OSBPL6: variants seen among roughly 807,000 people sequenced by gnomAD.
OSBPL6 encodes oxysterol-binding protein-related protein 6.
A neutral mutation model predicts 125.8 loss-of-function variants in OSBPL6; 49 were observed. The observed-to-expected ratio is 0.39, with a 90% CI of 0.31 to 0.49. The LOEUF (loss-of-function observed/expected upper bound fraction) is 0.49, where lower values mean the gene tolerates loss of function less well. OSBPL6 is among the 20% of genes least tolerant of loss of function. OSBPL6 has a pLI of 0.88. For synonymous variants in OSBPL6, 394 were observed against 391.8 expected, an observed-to-expected ratio of 1.01 and a Z score of -0.07; for missense variants, 986 against 1,135.4, an observed-to-expected ratio of 0.87 and a Z score of 1.89.
chr2:178,195,033 A>G (rs1029993769), intron 1 of OSBPL6, among the ~76,000 whole-genome samples: 2 of 151,506 alleles, frequency 1.3e-5, no homozygotes, highest in Non-Finnish European at 2.9e-5. Context: ...TGCTCCCCGC[A>G]GGCTGCCTGG....
Position 178,333,015 on chromosome 2 carries a change from G to A in OSBPL6, c.631G>A (p.Ala211Thr), listed in dbSNP as rs1220998040. The stretch of plus-strand genomic sequence containing the variant: ...GTCCACAGCTGAATCCTCACCAGCT[G>A]CTAATGTTTCTGTAATGGATGGAAA... ...STSTAESSPA[A>T]NVSVMDGKMQ... The change falls in exon 8 of 25, where the codon GCT becomes ACT. Residue 211 changes from alanine (A) to threonine (T), a missense_variant. Transcript: ENST00000190611. 6.2e-7 allele frequency: 1 copy of A among 1,614,036 alleles called. No individual in the cohort carries two copies. Among genetic ancestry groups the A allele is most frequent in the East Asian group, 2.2e-5 (1 of 44,886 alleles).
chr2:178,274,610 T>C lies in OSBPL6; in HGVS notation c.-350-10317T>C, dbSNP rs563040425. Among the ~76,000 whole-genome samples the C allele has an allele frequency of 1.1e-3, 175 of 152,248 alleles. 3 individuals carry two copies. In the South Asian group the frequency reaches 0.035, roughly 30 times the overall value. The stretch of plus-strand genomic sequence containing the variant: ...GCTGTTAGGCCTCCGGTCTTTACCA[T>C]TGATCTCATTCAAATCCAGGGACAC... On this transcript the variant is annotated intron_variant, in intron 1 of 24. Coordinates refer to ENST00000190611, the MANE Select transcript of OSBPL6 (RefSeq NM_032523.4).
chr2:178,303,829 G>C (rs1686507828), intron 2 of OSBPL6, among the ~76,000 whole-genome samples: 1 of 152,078 alleles, frequency 6.6e-6, no homozygotes, highest in Admixed American at 6.6e-5. Flanking sequence ...ATTTCTGCCA[G>C]CACTCTCCCA....
Position 178,383,161 on chromosome 2 carries a change from T to C in OSBPL6, c.1759T>C (p.Ser587Pro). Residue 587 changes from serine (S) to proline (P), a missense_variant, in exon 17 of 25, where the codon TCT becomes CCT. This residue lies in a region of OSBPL6 where 843 missense variants were observed against 997.3 expected (regional missense o/e 0.85). Coordinates refer to ENST00000190611, the MANE Select transcript of OSBPL6 (RefSeq NM_032523.4). Reference protein sequence around the residue: ...NNIGKDLSKVSMPVELNEPLN... With the variant: ...NNIGKDLSKVPMPVELNEPLN... Reference sequence around the variant, plus strand: ...CATTGGTAAAGACCTGTCTAAAGTCTCTATGCCTGTGGAGCTAAACGAGCC... The same window carrying C: ...CATTGGTAAAGACCTGTCTAAAGTCCCTATGCCTGTGGAGCTAAACGAGCC... The C allele has an allele frequency of 1.9e-6, 3 of 1,614,136 alleles. No homozygotes were observed. Among genetic ancestry groups the C allele is most frequent in the African/African-American group, 1.3e-5 (1 of 75,018 alleles).
intron 1 of OSBPL6, among the ~76,000 whole-genome samples, chr2:178,256,328 C>T (rs2091887085): frequency 6.6e-6 from 1 of 152,156 alleles, no homozygotes; most frequent in Admixed American, 6.5e-5. Context: ...GGTGATATAA[C>T]TGGAGTGGGA....
intron 13 of OSBPL6, among the ~76,000 whole-genome samples, chr2:178,367,592 T>G (rs984921941): frequency 4.6e-5 from 7 of 152,190 alleles, no homozygotes; most frequent in Non-Finnish European, 8.8e-5. Context: ...CTGCCAGGGT[T>G]GATGAATGGT....
intron 14 of OSBPL6, among the ~76,000 whole-genome samples, chr2:178,373,623 T>A (rs2154106636): frequency 6.6e-6 from 1 of 152,348 alleles, no homozygotes; most frequent in Admixed American, 6.5e-5. Context: ...AGGGTATTCA[T>A]AGCGGCTTAA....
chr2:178,275,341 G>A (rs1332610573), intron 1 of OSBPL6, among the ~76,000 whole-genome samples: 19 of 152,044 alleles, frequency 1.2e-4, no homozygotes, highest in Non-Finnish European at 7.4e-5. Flanking sequence ...GTGAAACCCC[G>A]TCTCTACTAA....
At chr2:178,257,149 A>G (rs2091912836) in intron 1 of OSBPL6, among the ~76,000 whole-genome samples, 1 of 152,240 alleles carries the variant, frequency 6.6e-6, no homozygotes. Context: ...GTAATTCTGT[A>G]TAAACTCATG....
At chr2:178,334,013 G>A (rs527385669) in intron 8 of OSBPL6, among the ~76,000 whole-genome samples, 70 of 152,218 alleles carry the variant, frequency 4.6e-4, no homozygotes, top group Non-Finnish European at 7.5e-4. Context: ...TTTTTACCAG[G>A]TGCCAGACTA....
At chr2:178,240,975 T>C (rs1285333250) in intron 1 of OSBPL6, among the ~76,000 whole-genome samples, 1 of 152,178 alleles carries the variant, frequency 6.6e-6, no homozygotes, top group African/African-American at 2.4e-5. Context: ...AAATAATTAT[T>C]GACTAAATAA....
chr2:178,283,198 G>T (rs57203074), intron 1 of OSBPL6, among the ~76,000 whole-genome samples: 2,341 of 152,206 alleles, frequency 0.015, 61 homozygotes, highest in African/African-American at 0.054. Flanking sequence ...TTTTAAAAAT[G>T]TTATTTAAAG....
chr2:178,246,834 T>C (rs566563349), intron 1 of OSBPL6, among the ~76,000 whole-genome samples: 1 of 152,338 alleles, frequency 6.6e-6, no homozygotes, highest in East Asian at 1.9e-4. Context: ...TTTGATTCTA[T>C]CACTGTCCTG....
At chr2:178,333,145 G>A (rs1430027009) in intron 8 of OSBPL6, 104 bp downstream of exon 8, 2 of 1,260,762 alleles carry the variant, frequency 1.6e-6, no homozygotes, top group African/African-American at 3.0e-5. Context: ...CACTTTGGGA[G>A]GCCAAGGCGG....
chr2:178,239,863 G>A (rs1052289659), intron 1 of OSBPL6, among the ~76,000 whole-genome samples: 27 of 151,658 alleles, frequency 1.8e-4, no homozygotes, highest in Admixed American at 3.9e-4. Flanking sequence ...TCCTGACCTC[G>A]TGATCCACCC....
intron 1 of OSBPL6, among the ~76,000 whole-genome samples, chr2:178,237,425 T>C (rs889866648): frequency 2.0e-5 from 3 of 152,198 alleles, no homozygotes; most frequent in Admixed American, 6.5e-5. Flanking sequence ...TTCAAACAAT[T>C]TGAAAAGGTC....
intron 15 of OSBPL6, among the ~76,000 whole-genome samples, chr2:178,379,076 G>A (rs985051811): frequency 2.0e-5 from 3 of 151,990 alleles, no homozygotes; most frequent in Admixed American, 6.6e-5. Context: ...GGAGGCTGAG[G>A]TGGGAGGATC....
intron 3 of OSBPL6, among the ~76,000 whole-genome samples, chr2:178,322,974 G>A (rs1688376729): frequency 1.3e-5 from 2 of 150,570 alleles, no homozygotes; most frequent in South Asian, 2.1e-4. Context: ...CAGTAGGGAA[G>A]TTTCGCTCTC....
At chr2:178,349,104 T>C in intron 11 of OSBPL6, 120 bp from the exon 12 acceptor site, 2 of 1,072,504 alleles carry the variant, frequency 1.9e-6, no homozygotes, top group Non-Finnish European at 1.4e-6. Context: ...ACTGAGTGTC[T>C]CCAAGTGTGT....
Sources: allele counts gnomAD v4.1 joint callset (sites outside exome capture counted in the v4.1 genomes callset), GRCh38; gene constraint gnomAD v4.1.1; regional missense constraint gnomAD v4.1.1; transcripts MANE v1.5; gene names NCBI Gene and HGNC (gene_info 2026-07-23, HGNC 2026-07-21).